Variants in UTP25 observed in about 807,000 individuals in gnomAD.
The protein encoded by UTP25 is U3 small nucleolar RNA-associated protein 25 homolog.
UTP25 carries 50 observed loss-of-function variants against 78.9 expected under a neutral mutation model. The observed-to-expected ratio is 0.63, with a 90% CI of 0.50 to 0.80. The LOEUF (loss-of-function observed/expected upper bound fraction) is 0.80. UTP25 is among the 30% of genes least tolerant of loss of function. The pLI is 0.00. For missense variants in UTP25, 846 were observed against 911.3 expected (o/e 0.93, Z 0.92); for synonymous variants, 329 against 336.5 (o/e 0.98, Z 0.24).
intron 11 of UTP25, among the ~76,000 whole-genome samples, chr1:209,846,896 G>C (rs2102580880): frequency 6.6e-6 from 1 of 152,080 alleles, no homozygotes; most frequent in East Asian, 1.9e-4. Flanking sequence ...TGATTGTGAG[G>C]GTATTTCACA....
At chr1:209,851,078 G>C (rs982918979) in intron 11 of UTP25, 126 bp from the exon 12 acceptor site, 8 of 1,037,762 alleles carry the variant, frequency 7.7e-6, no homozygotes, top group Non-Finnish European at 1.1e-5. Context: ...TCTGTTACTT[G>C]TGCCACTGTT....
At chr1:209,844,959 A>G (rs2078188966) in intron 11 of UTP25, among the ~76,000 whole-genome samples, 1 of 152,216 alleles carries the variant, frequency 6.6e-6, no homozygotes, top group African/African-American at 2.4e-5. Flanking sequence ...ATTAACTCAC[A>G]ATGGGTGCAT....
intron 7 of UTP25, among the ~76,000 whole-genome samples, chr1:209,839,357 A>G (rs2078153413): frequency 6.6e-6 from 1 of 152,228 alleles, no homozygotes; most frequent in African/African-American, 2.4e-5. Context: ...TATGAAAGGC[A>G]CATGTACATT....
chr1:209,832,879 G>A (rs1481397809), intron 3 of UTP25, among the ~76,000 whole-genome samples: 1 of 152,060 alleles, frequency 6.6e-6, no homozygotes, highest in Non-Finnish European at 1.5e-5. Context: ...GCCAGACCCT[G>A]TCTCAATATA....
At chr1:209,840,715 G>A in intron 7 of UTP25, 138 bp from the exon 8 acceptor site, 3 of 754,344 alleles carry the variant, frequency 4.0e-6, no homozygotes, top group East Asian at 2.5e-5. Context: ...AATAATTAAA[G>A]CAGTTGAGCA....
At position 209,833,179 on chromosome 1, in the gene UTP25, C is replaced by T; in HGVS notation, c.389-6C>T. 6.2e-7 allele frequency: 1 copy of T among 1,607,476 alleles called. No individual in the cohort carries two copies. Among genetic ancestry groups the T allele is most frequent in the Non-Finnish European group, 8.5e-7 (1 of 1,178,108 alleles). Reference sequence around the variant, plus strand: ...TAATTTTATAAAATGTTTCTCAAAACTGCAGATGTAGCTTTATCTGCTGAC... The same window carrying T: ...TAATTTTATAAAATGTTTCTCAAAATTGCAGATGTAGCTTTATCTGCTGAC... On this transcript the variant is annotated splice_region_variant and splice_polypyrimidine_tract_variant and intron_variant, in intron 3 of 11. Coordinates refer to ENST00000491415, the MANE Select transcript of UTP25 (RefSeq NM_014388.7).
At chr1:209,843,736 G>A (rs756802192) in intron 11 of UTP25, 40 bp downstream of exon 11, 2 of 1,597,122 alleles carry the variant, frequency 1.3e-6, no homozygotes, top group Non-Finnish European at 1.7e-6. Context: ...CTCTGAAGGG[G>A]AGGTGCAGGA....
chr1:209,834,991 A>G, intron 4 of UTP25, 84 bp from the exon 5 acceptor site: 2 of 1,047,796 alleles, frequency 1.9e-6, no homozygotes, highest in South Asian at 1.4e-5. Flanking sequence ...AACACAATGA[A>G]GATCAACATG....
chr1:209,850,627 G>A (rs1036491514), intron 11 of UTP25, among the ~76,000 whole-genome samples: 26 of 152,320 alleles, frequency 1.7e-4, no homozygotes, highest in Admixed American at 1.4e-3. Flanking sequence ...GGAAAGAGAT[G>A]GAAATGCATA....
chr1:209,839,514 G>A (rs1311357755), intron 7 of UTP25, among the ~76,000 whole-genome samples: 1 of 152,130 alleles, frequency 6.6e-6, no homozygotes, highest in Admixed American at 6.5e-5. Context: ...TAAAATGACT[G>A]TCTCTACATA....
chr1:209,851,530 C>G lies in UTP25; in HGVS notation c.*83C>G. On this transcript the variant is annotated 3_prime_UTR_variant, in exon 12 of 12. Transcript: ENST00000491415. ...ATTTGGACCCAATTCTGATTACTTA[C>G]AGAAGAAGGACTGATACAAAGAAAG... 6.7e-7 allele frequency: 1 copy of G among 1,487,822 alleles called. No homozygotes were observed. Among genetic ancestry groups the G allele is most frequent in the Admixed American group, 2.3e-5 (1 of 42,846 alleles). The allele number at this position is 1,487,822 out of a possible 1,614,324, so 92.2% of individuals were successfully genotyped here.
Position 209,836,649 on chromosome 1 carries a change from A to G in UTP25, c.652-152A>G, listed in dbSNP as rs547446607. The G allele has an allele frequency of 1.0e-4, 82 of 789,114 alleles. No homozygotes were observed. In the South Asian group the frequency reaches 1.4e-3, roughly 13 times the overall value. 48.9% of individuals were successfully genotyped at this position (789,114 alleles called of 1,614,324 possible). A position where few individuals can be genotyped will look rare whatever the true frequency, so the allele number is the denominator to read the frequency against. On this transcript the variant is annotated intron_variant, in intron 5 of 11. Transcript: ENST00000491415. ...ACCTCAGTGCTTCCTAAACTATAACATGAGTATCATGGTAACTACCTTGCA... is the reference window on the plus strand; with the variant it reads ...ACCTCAGTGCTTCCTAAACTATAACGTGAGTATCATGGTAACTACCTTGCA...
chr1:209,831,963 A>C (rs1405917094), intron 3 of UTP25, among the ~76,000 whole-genome samples: 1 of 150,814 alleles, frequency 6.6e-6, no homozygotes, highest in Non-Finnish European at 1.5e-5. Flanking sequence ...TTTACTCATT[A>C]TTTTAATGCC....
At chr1:209,844,754 G>T (rs1192226715) in intron 11 of UTP25, 3 of 151,296 alleles carry the variant, frequency 2.0e-5, no homozygotes, top group Admixed American at 2.0e-4. Flanking sequence ...TTATTGTTTT[G>T]CTAAGTCTCT....
Position 209,830,885 on chromosome 1 carries a change from C to A in UTP25, c.230C>A (p.Ala77Asp), listed in dbSNP as rs762697783. 1 of 1,613,848 alleles carries A rather than the reference C, an allele frequency of 6.2e-7. No homozygotes were observed. The highest frequency in any genetic ancestry group is 1.7e-5 in the Admixed American group (1 of 59,998). ...GTTTCTGGCTACCACAGACTACTTG[C>A]TACATTAAAGAATGTTTCTGAGGAA... Reference protein sequence around the residue: ...QQVSGYHRLLATLKNVSEEEE... With the variant: ...QQVSGYHRLLDTLKNVSEEEE... Residue 77 changes from alanine to aspartate, a missense_variant, in exon 3 of 12, where the codon GCT (alanine) becomes GAT (aspartate). Transcript: ENST00000491415.
At chr1:209,832,106 A>G (rs1195531443) in intron 3 of UTP25, among the ~76,000 whole-genome samples, 1 of 150,030 alleles carries the variant, frequency 6.7e-6, no homozygotes, top group Non-Finnish European at 1.5e-5. Context: ...GTTTGTTTCT[A>G]TTTTTCTTTG....
intron 3 of UTP25, among the ~76,000 whole-genome samples, chr1:209,831,555 T>C (rs2078103479): frequency 6.6e-6 from 1 of 152,216 alleles, no homozygotes; most frequent in Admixed American, 6.5e-5. Context: ...AGGTGACTTT[T>C]TTCTTTAACT....
At chr1:209,847,025 G>GCACA (rs3028167) in intron 11 of UTP25, among the ~76,000 whole-genome samples, 1 of 151,866 alleles carries the variant, frequency 6.6e-6, no homozygotes, top group Non-Finnish European at 1.5e-5. Context: ...ATGCACACGT[G>GCACA]CACACACACA....
intron 8 of UTP25, among the ~76,000 whole-genome samples, chr1:209,841,551 G>A (rs185887949): frequency 2.0e-5 from 3 of 152,276 alleles, no homozygotes; most frequent in South Asian, 2.1e-4. Context: ...AATTTGTACT[G>A]TAATTTTTTT....
Sources: gnomAD v4.1 joint callset for allele counts (sites outside exome capture counted in the v4.1 genomes callset) on GRCh38, gnomAD v4.1.1 for gene constraint, MANE v1.5 for transcripts, NCBI Gene and HGNC (gene_info 2026-07-23, HGNC 2026-07-21) for gene names.